The following RNF138 variants were observed in gnomAD, a reference collection of about 807,000 sequenced individuals.
RNF138 encodes the protein ring finger protein 138.
RNF138 carries 12 observed loss-of-function variants against 31.0 expected under a neutral mutation model. The observed-to-expected ratio is 0.39, with a 90% CI of 0.25 to 0.63. RNF138 has a LOEUF of 0.63. Ranked by LOEUF, RNF138 falls within the 20% of genes least tolerant of loss-of-function variation. The pLI is 0.52. For missense variants in RNF138, 192 were observed against 300.1 expected (o/e 0.64, Z 2.66); for synonymous variants, 105 against 99.5 (o/e 1.06, Z -0.33).
At chr18:32,095,176 T>A (rs2039782188) in intron 2 of RNF138, among the ~76,000 whole-genome samples, 1 of 84,858 alleles carries the variant, frequency 1.2e-5, no homozygotes, top group Non-Finnish European at 2.5e-5. Flanking sequence ...TTAAAAATTA[T>A]CGTTTTTTTT....
At chr18:32,103,965 A>G (rs1329156816) in intron 2 of RNF138, among the ~76,000 whole-genome samples, 4 of 151,762 alleles carry the variant, frequency 2.6e-5, no homozygotes, top group Non-Finnish European at 5.9e-5. Context: ...ACTCCGTCTC[A>G]GAAAAAAAAA....
At chr18:32,103,977 GA>G (rs1261760532) in intron 2 of RNF138, among the ~76,000 whole-genome samples, 1 of 144,596 alleles carries the variant, frequency 6.9e-6, no homozygotes, top group Admixed American at 6.9e-5. Context: ...AAAAAAAAAA[GA>G]AAACTTCATA....
rs1405360931 is a variant in RNF138, at chr18:32,130,281, T to A, written c.*1094T>A. On this transcript the variant is annotated 3_prime_UTR_variant, in exon 8 of 8. Transcript: ENST00000261593. ...GCTAAGTTATCTAGTTGGCTACTAT[T>A]ACACCTTAAAAATTGAGTTTACACA... 1 of 152,392 alleles carries A rather than the reference T, an allele frequency of 6.6e-6. No individual in the cohort carries two copies. The highest frequency in any genetic ancestry group is 1.5e-5 in the Non-Finnish European group (1 of 67,864). The allele number at this position is 152,392 out of a possible 1,614,324, so 9.4% of individuals were successfully genotyped here.
chr18:32,106,391 A>C (rs1299422893), intron 2 of RNF138, among the ~76,000 whole-genome samples: 1 of 152,168 alleles, frequency 6.6e-6, no homozygotes, highest in Non-Finnish European at 1.5e-5. Flanking sequence ...CTAGGTTATA[A>C]ATCATTTCTC....
intron 4 of RNF138, among the ~76,000 whole-genome samples, chr18:32,115,294 A>G (rs2040196622): frequency 6.6e-6 from 1 of 152,176 alleles, no homozygotes; most frequent in Non-Finnish European, 1.5e-5. Flanking sequence ...TCCTAATAGC[A>G]ATATTCCTCA....
At chr18:32,124,664 C>CA in intron 5 of RNF138, 70 bp from the exon 6 acceptor site, 1 of 783,396 alleles carries the variant, frequency 1.3e-6, no homozygotes, top group Non-Finnish European at 2.2e-6. Flanking sequence ...AGTGATTCCT[C>CA]AAAAAATAGG....
chr18:32,094,599 A>G (rs892567562), intron 2 of RNF138, among the ~76,000 whole-genome samples: 3 of 151,944 alleles, frequency 2.0e-5, no homozygotes, highest in African/African-American at 7.3e-5. Flanking sequence ...CACATTACCC[A>G]TCTGACATGA....
intron 2 of RNF138, among the ~76,000 whole-genome samples, chr18:32,100,963 G>C (rs2039927823): frequency 6.6e-6 from 1 of 152,188 alleles, no homozygotes; most frequent in Non-Finnish European, 1.5e-5. Flanking sequence ...CAAATGTATA[G>C]GTTTCGAGAG....
intron 2 of RNF138, among the ~76,000 whole-genome samples, chr18:32,094,740 G>A (rs1257327267): frequency 1.3e-5 from 2 of 152,110 alleles, no homozygotes; most frequent in East Asian, 3.9e-4. Context: ...TAAAAGGGAG[G>A]GAGGAGAGCA....
At chr18:32,099,483 A>G (rs2039879190) in intron 2 of RNF138, among the ~76,000 whole-genome samples, 1 of 151,978 alleles carries the variant, frequency 6.6e-6, no homozygotes, top group Non-Finnish European at 1.5e-5. Flanking sequence ...GCTCACCGCA[A>G]CCTCCACCCA....
intron 2 of RNF138, among the ~76,000 whole-genome samples, chr18:32,105,248 T>A (rs1229062550): frequency 1.3e-5 from 2 of 152,026 alleles, no homozygotes; most frequent in African/African-American, 2.4e-5. Flanking sequence ...CCTGCCACCA[T>A]ACATGGCTAA....
intron 4 of RNF138, among the ~76,000 whole-genome samples, chr18:32,120,241 T>C (rs191391073): frequency 1.2e-3 from 182 of 152,256 alleles, no homozygotes; most frequent in African/African-American, 4.2e-3. Flanking sequence ...TTACCCTGAA[T>C]TTAAGGTTTC....
intron 4 of RNF138, among the ~76,000 whole-genome samples, chr18:32,116,963 G>A (rs910408913): frequency 2.6e-5 from 4 of 152,104 alleles, no homozygotes; most frequent in Admixed American, 1.3e-4. Context: ...GTGCAGTGGT[G>A]CGATCTCAGC....
intron 2 of RNF138, among the ~76,000 whole-genome samples, chr18:32,110,215 A>G (rs543265290): frequency 2.8e-4 from 42 of 151,532 alleles, no homozygotes; most frequent in African/African-American, 9.7e-4. Context: ...CTGGTCTTCA[A>G]CTCCTTGCCT....
At chr18:32,092,979 GA>G in intron 2 of RNF138, 93 bp downstream of exon 2, 1 of 635,432 alleles carries the variant, frequency 1.6e-6, no homozygotes, top group Non-Finnish European at 2.5e-6. Flanking sequence ...GGCGGGAACC[GA>G]GCCCGCCGCG....
At chr18:32,112,000 T>G in intron 3 of RNF138, 81 bp downstream of exon 3, 1 of 422,310 alleles carries the variant, frequency 2.4e-6, no homozygotes, top group South Asian at 6.7e-5. Context: ...TTGGTTGGTG[T>G]TTTTTTTTTT....
At chr18:32,114,511 C>G (rs2040183735) in intron 4 of RNF138, among the ~76,000 whole-genome samples, 1 of 152,160 alleles carries the variant, frequency 6.6e-6, no homozygotes, top group Non-Finnish European at 1.5e-5. Flanking sequence ...TTCAAAACTT[C>G]AGGATCTCTA....
chr18:32,103,502 A>T (rs1335022891), intron 2 of RNF138, among the ~76,000 whole-genome samples: 1 of 152,108 alleles, frequency 6.6e-6, no homozygotes, highest in Non-Finnish European at 1.5e-5. Context: ...CTCATTCAGC[A>T]TTTGATTAAA....
intron 1 of RNF138, chr18:32,092,499 A>C (rs1050081158): frequency 2.4e-5 from 10 of 422,560 alleles, no homozygotes; most frequent in Non-Finnish European, 3.9e-5. Flanking sequence ...GGCCCACGGC[A>C]TGCTGCGAGC....
Sources: gnomAD v4.1 joint callset for allele counts (sites outside exome capture counted in the v4.1 genomes callset) on GRCh38, gnomAD v4.1.1 for gene constraint, MANE v1.5 for transcripts, NCBI Gene and HGNC (gene_info 2026-07-23, HGNC 2026-07-21) for gene names.